MOB3B: variants seen among roughly 807,000 people sequenced by gnomAD.
MOB3B encodes MOB kinase activator-like 2B.
Under a neutral mutation model 18.7 loss-of-function variants are expected in MOB3B, and 7 were observed. The ratio of observed to expected loss-of-function variants is 0.37; its 90% CI spans 0.21 to 0.70. The LOEUF (loss-of-function observed/expected upper bound fraction) is 0.70. Ranked by LOEUF, MOB3B falls within the 30% of genes least tolerant of loss-of-function variation. The pLI is 0.52. For synonymous variants in MOB3B, 111 were observed against 99.9 expected (o/e 1.11, Z -0.66); for missense variants, 253 against 281.3 (o/e 0.90, Z 0.72).
chr9:27,480,529 T>C (rs1819634005), intron 1 of MOB3B, among the ~76,000 whole-genome samples: 1 of 152,152 alleles, frequency 6.6e-6, no homozygotes, highest in South Asian at 2.1e-4. Context: ...CTTGATCTCC[T>C]GACCTTGTGA....
chr9:27,346,078 C>T (rs113412380), intron 3 of MOB3B, among the ~76,000 whole-genome samples: 112 of 152,286 alleles, frequency 7.4e-4, no homozygotes, highest in African/African-American at 2.5e-3. Flanking sequence ...TGAGGATCCA[C>T]CCTCATGAAT....
Position 27,365,162 on chromosome 9 carries a change from C to CAAA in MOB3B, c.419-5929_419-5927dup, listed in dbSNP as rs61043046. 5.4e-4 allele frequency among the ~76,000 whole-genome samples: 59 copies of CAAA among 109,808 alleles called. 2 individuals are homozygous for CAAA. Among genetic ancestry groups the CAAA allele is most frequent in the African/African-American group, 1.9e-3 (53 of 28,422 alleles). The allele number at this position is 109,808 out of a possible 152,430, so 72.0% of individuals were successfully genotyped here. ...TCCATCATCTCCTGTTTGGGGGAGG[C>CAAA]AAAAAAAAAAAAAGAAAACCCACAG... On this transcript the variant is annotated intron_variant, in intron 2 of 3. Coordinates refer to ENST00000262244, the MANE Select transcript of MOB3B (RefSeq NM_024761.5).
At chr9:27,420,312 C>A (rs1817944562) in intron 2 of MOB3B, among the ~76,000 whole-genome samples, 1 of 151,698 alleles carries the variant, frequency 6.6e-6, no homozygotes, top group Admixed American at 6.6e-5. Flanking sequence ...TGGGTATCTA[C>A]CCAGGGGAAA....
intron 2 of MOB3B, among the ~76,000 whole-genome samples, chr9:27,422,237 C>A (rs530161480): frequency 6.6e-5 from 10 of 152,196 alleles, no homozygotes; most frequent in Admixed American, 4.6e-4. Flanking sequence ...GCTGGCTGAG[C>A]AATTTACATT....
intron 1 of MOB3B, among the ~76,000 whole-genome samples, chr9:27,456,401 A>G (rs1822871432): frequency 6.6e-6 from 1 of 152,206 alleles, no homozygotes; most frequent in African/African-American, 2.4e-5. Context: ...GCCAATACAC[A>G]GAGAAACAGA....
intron 3 of MOB3B, among the ~76,000 whole-genome samples, chr9:27,342,615 C>G (rs544388858): frequency 6.6e-6 from 1 of 152,178 alleles, no homozygotes; most frequent in Non-Finnish European, 1.5e-5. Flanking sequence ...TGCAGGCGCG[C>G]GCCGCCACAC....
intron 1 of MOB3B, among the ~76,000 whole-genome samples, chr9:27,492,587 A>G (rs773673595): frequency 1.2e-4 from 18 of 152,184 alleles, no homozygotes; most frequent in African/African-American, 3.6e-4. Flanking sequence ...GGATTTAACC[A>G]TTTACCAAAA....
At chr9:27,356,435 T>G (rs552789876) in intron 3 of MOB3B, among the ~76,000 whole-genome samples, 1 of 152,340 alleles carries the variant, frequency 6.6e-6, no homozygotes, top group Non-Finnish European at 1.5e-5. Flanking sequence ...GACTTCAAGT[T>G]AGTTCCTGGC....
chr9:27,507,781 A>G (rs1820081659), intron 1 of MOB3B, among the ~76,000 whole-genome samples: 1 of 152,248 alleles, frequency 6.6e-6, no homozygotes, highest in Non-Finnish European at 1.5e-5. Flanking sequence ...CTCAAAAAAT[A>G]TCTTTTGAAG....
intron 1 of MOB3B, among the ~76,000 whole-genome samples, chr9:27,469,931 T>A (rs1276281699): frequency 3.3e-5 from 5 of 151,606 alleles, no homozygotes; most frequent in Non-Finnish European, 5.9e-5. Flanking sequence ...CCCCCAGCCA[T>A]CTCTGCAAAA....
At chr9:27,339,139 T>C (rs911851392) in intron 3 of MOB3B, among the ~76,000 whole-genome samples, 1 of 152,210 alleles carries the variant, frequency 6.6e-6, no homozygotes, top group Non-Finnish European at 1.5e-5. Flanking sequence ...CAAGGCCTTT[T>C]CTGCAGTGGT....
At chr9:27,360,985 C>T (rs1193517580) in intron 2 of MOB3B, among the ~76,000 whole-genome samples, 1 of 152,042 alleles carries the variant, frequency 6.6e-6, no homozygotes, top group African/African-American at 2.4e-5. Context: ...GAGGGGCCTG[C>T]AGAACTGCTG....
chr9:27,338,134 T>A (rs907176030), intron 3 of MOB3B, among the ~76,000 whole-genome samples: 3 of 152,228 alleles, frequency 2.0e-5, no homozygotes, highest in Non-Finnish European at 2.9e-5. Flanking sequence ...CAACTTCCCA[T>A]GACTTGCAAG....
At chr9:27,435,173 T>C (rs1390104047) in intron 2 of MOB3B, among the ~76,000 whole-genome samples, 12 of 152,048 alleles carry the variant, frequency 7.9e-5, no homozygotes, top group African/African-American at 2.9e-4. Flanking sequence ...CCTTGTTTTC[T>C]CTTTTCCTGG....
At chr9:27,489,268 AC>A (rs1448795235) in intron 1 of MOB3B, among the ~76,000 whole-genome samples, 1 of 152,200 alleles carries the variant, frequency 6.6e-6, no homozygotes, top group African/African-American at 2.4e-5. Flanking sequence ...TAGAAATCCA[AC>A]AGAAGCCTTT....
chr9:27,444,451 A>G (rs1038022519), intron 2 of MOB3B, among the ~76,000 whole-genome samples: 1 of 152,236 alleles, frequency 6.6e-6, no homozygotes, highest in Admixed American at 6.5e-5. Context: ...TCATAAAGAT[A>G]TCTTCACAAG....
chr9:27,490,744 C>G (rs1021473619), intron 1 of MOB3B, among the ~76,000 whole-genome samples: 3 of 152,086 alleles, frequency 2.0e-5, no homozygotes, highest in African/African-American at 7.2e-5. Flanking sequence ...ACTCTCACTC[C>G]AGTGCTCTTT....
chr9:27,470,400 TC>T (rs1051225380), intron 1 of MOB3B, among the ~76,000 whole-genome samples: 3 of 152,218 alleles, frequency 2.0e-5, no homozygotes, highest in Admixed American at 2.0e-4. Context: ...ATCGGACAAC[TC>T]CCCAGACCCC....
chr9:27,357,643 G>T (rs933960672), intron 3 of MOB3B, among the ~76,000 whole-genome samples: 1 of 151,884 alleles, frequency 6.6e-6, no homozygotes, highest in African/African-American at 2.4e-5. Context: ...ACTAACCTGG[G>T]GCTTTCCCAT....
Sources: allele counts gnomAD v4.1 joint callset (sites outside exome capture counted in the v4.1 genomes callset), GRCh38; gene constraint gnomAD v4.1.1; transcripts MANE v1.5; gene names NCBI Gene and HGNC (gene_info 2026-07-23, HGNC 2026-07-21).